Variants in PTPRN2 observed in about 807,000 individuals in gnomAD.
PTPRN2 encodes the protein protein tyrosine phosphatase receptor type N2.
A neutral mutation model predicts 118.8 loss-of-function variants in PTPRN2; 74 were observed. That is an observed-to-expected ratio of 0.62 (90% confidence interval 0.52 to 0.76). The LOEUF (loss-of-function observed/expected upper bound fraction) is 0.76. Ranked by LOEUF, PTPRN2 falls within the 30% of genes least tolerant of loss-of-function variation. PTPRN2 has a pLI of 0.00. For synonymous variants in PTPRN2, 641 were observed against 608.0 expected (o/e 1.05, Z -0.80); for missense variants, 1,481 against 1,394.4 (o/e 1.06, Z -0.99).
At chr7:157,949,621 A>T (rs1432006050) in intron 11 of PTPRN2, among the ~76,000 whole-genome samples, 1 of 152,224 alleles carries the variant, frequency 6.6e-6, no homozygotes, top group Non-Finnish European at 1.5e-5. Flanking sequence ...AGTCTCAGGT[A>T]TTTCTTCATA....
chr7:158,242,039 T>C (rs1440746271), intron 3 of PTPRN2, among the ~76,000 whole-genome samples: 1 of 152,200 alleles, frequency 6.6e-6, no homozygotes, highest in Non-Finnish European at 1.5e-5. Flanking sequence ...TCTGTTATTG[T>C]CCAAATCTTA....
At chr7:158,504,608 G>T (rs1822612920) in intron 1 of PTPRN2, among the ~76,000 whole-genome samples, 1 of 152,168 alleles carries the variant, frequency 6.6e-6, no homozygotes, top group South Asian at 2.1e-4. Context: ...CTCACTGATG[G>T]GCATTTAGGT....
At chr7:158,332,311 A>G (rs1385145360) in intron 2 of PTPRN2, among the ~76,000 whole-genome samples, 2 of 46,670 alleles carry the variant, frequency 4.3e-5, no homozygotes, top group Non-Finnish European at 1.1e-4. Flanking sequence ...ACTCACACCC[A>G]CACTCTCACC....
Position 157,861,130 on chromosome 7 carries a change from C to T in PTPRN2, c.1788+37543G>A, listed in dbSNP as rs562482242. ...CCCCAGCACGGGCGCTTTGGGATGT[C>T]GGCAGAGGCACGCATGCCTCCAGGG... On this transcript the variant is annotated intron_variant, in intron 12 of 22. Transcript: ENST00000389418. The surrounding 1 kb of genome is among the most constrained non-coding windows in gnomAD (Gnocchi z 5.8). 3.5e-4 allele frequency among the ~76,000 whole-genome samples: 53 copies of T among 152,298 alleles called. No homozygotes were observed. In the East Asian group the frequency reaches 5.2e-3, roughly 15 times the overall value.
intron 2 of PTPRN2, among the ~76,000 whole-genome samples, chr7:158,444,987 C>T (rs928282693): frequency 5.3e-5 from 8 of 152,262 alleles, no homozygotes; most frequent in Non-Finnish European, 1.0e-4. Flanking sequence ...TGCACAGCAG[C>T]AAGCCCACCA....
At chr7:158,540,473 G>C (rs1825919386) in intron 1 of PTPRN2, among the ~76,000 whole-genome samples, 1 of 152,146 alleles carries the variant, frequency 6.6e-6, no homozygotes, top group South Asian at 2.1e-4. Flanking sequence ...TGGGTCTCGG[G>C]GGGCAATGAG....
chr7:158,488,120 C>G (rs1378577828), intron 2 of PTPRN2, among the ~76,000 whole-genome samples: 1 of 152,144 alleles, frequency 6.6e-6, no homozygotes, highest in Non-Finnish European at 1.5e-5. Flanking sequence ...GGGCTACTTA[C>G]GGCTCCAATT....
chr7:158,476,799 G>A (rs762274023), intron 2 of PTPRN2, among the ~76,000 whole-genome samples: 2 of 152,224 alleles, frequency 1.3e-5, no homozygotes, highest in African/African-American at 2.4e-5. Flanking sequence ...TGTTCCTCCC[G>A]CTTCTCCTTC....
Position 157,674,809 on chromosome 7 carries a change from G to A in PTPRN2, c.2001+7916C>T, listed in dbSNP as rs1031732196. ...GTCACCTGGAGATTCCGGCCCTGCCGGGCGTCTCCTCCCACGCCGAGCTCC... is the reference window on the plus strand; with the variant it reads ...GTCACCTGGAGATTCCGGCCCTGCCAGGCGTCTCCTCCCACGCCGAGCTCC... On this transcript the variant is annotated intron_variant, in intron 13 of 22. Coordinates refer to ENST00000389418, the MANE Select transcript of PTPRN2 (RefSeq NM_002847.5). This position sits in a 1 kb window ranked among gnomAD's most constrained non-coding sequence, Gnocchi z 4.5. Among the ~76,000 whole-genome samples, 2 of 152,226 alleles carry A rather than the reference G, an allele frequency of 1.3e-5. No homozygotes were observed. The highest frequency in any genetic ancestry group is 6.5e-5 in the Admixed American group (1 of 15,278).
intron 4 of PTPRN2, among the ~76,000 whole-genome samples, chr7:158,202,786 C>T (rs374427072): frequency 2.0e-5 from 3 of 152,116 alleles, no homozygotes; most frequent in Non-Finnish European, 2.9e-5. Context: ...GTGCCATCTA[C>T]GTTCCAGGCT....
At chr7:158,289,274 CTT>C (rs1047045273) in intron 3 of PTPRN2, among the ~76,000 whole-genome samples, 2 of 152,112 alleles carry the variant, frequency 1.3e-5, no homozygotes, top group African/African-American at 4.8e-5. Flanking sequence ...CTTGGTCTCT[CTT>C]CTCCTTCTTG....
chr7:157,737,949 C>T (rs544058556), intron 12 of PTPRN2, among the ~76,000 whole-genome samples: 3 of 152,326 alleles, frequency 2.0e-5, no homozygotes, highest in African/African-American at 7.2e-5. Flanking sequence ...CAGAGGCTCC[C>T]GGGAATGCCT....
At chr7:158,404,441 G>A (rs1311542789) in intron 2 of PTPRN2, among the ~76,000 whole-genome samples, 6 of 152,170 alleles carry the variant, frequency 3.9e-5, no homozygotes, top group Non-Finnish European at 7.4e-5. Context: ...CTGACCCCGG[G>A]GCAGGCGCTG....
chr7:158,202,819 A>G (rs1585835421), intron 4 of PTPRN2, among the ~76,000 whole-genome samples: 1 of 152,258 alleles, frequency 6.6e-6, no homozygotes, highest in Non-Finnish European at 1.5e-5. Flanking sequence ...TTTACAAAAT[A>G]TAATATGTGA....
intron 12 of PTPRN2, among the ~76,000 whole-genome samples, chr7:157,744,013 G>A (rs942643024): frequency 3.3e-5 from 5 of 152,240 alleles, no homozygotes; most frequent in Admixed American, 1.3e-4. Context: ...TGCAGGAGAC[G>A]TGCTCCGGGG....
intron 21 of PTPRN2, among the ~76,000 whole-genome samples, chr7:157,552,088 A>G (rs221273): frequency 0.92 from 138,446 of 149,984 alleles, 64,045 homozygotes; most frequent in Middle Eastern, 0.99. Context: ...CCCTACAGGA[A>G]CCATGCACTC....
chr7:158,485,349 G>T (rs1490542960), intron 2 of PTPRN2, among the ~76,000 whole-genome samples: 11 of 150,318 alleles, frequency 7.3e-5, no homozygotes, highest in South Asian at 4.3e-4. Context: ...ACCCCTCTGC[G>T]CCCCTCCTGC....
intron 1 of PTPRN2, among the ~76,000 whole-genome samples, chr7:158,564,919 C>T (rs760368893): frequency 1.4e-4 from 22 of 152,168 alleles, no homozygotes; most frequent in Non-Finnish European, 2.6e-4. Context: ...GTGCAAGGCT[C>T]GTGCCTTCCC....
chr7:157,915,310 C>T (rs190383649), intron 11 of PTPRN2, among the ~76,000 whole-genome samples: 225 of 152,278 alleles, frequency 1.5e-3, no homozygotes, highest in African/African-American at 5.1e-3. Context: ...TCTGGAGGCC[C>T]GTGCACCTGG....
Sources: allele counts gnomAD v4.1 joint callset (sites outside exome capture counted in the v4.1 genomes callset), GRCh38; gene constraint gnomAD v4.1.1; non-coding constraint Gnocchi (gnomAD v3.1); transcripts MANE v1.5; gene names NCBI Gene and HGNC (gene_info 2026-07-23, HGNC 2026-07-21).